CLIP1: variants seen among roughly 807,000 people sequenced by gnomAD.
CLIP1 encodes the protein CAP-Gly domain-containing linker protein 1.
A neutral mutation model predicts 161.6 loss-of-function variants in CLIP1; 66 were observed. The ratio of observed to expected loss-of-function variants is 0.41; its 90% CI spans 0.33 to 0.50. CLIP1 has a LOEUF of 0.50. Among genes scored for constraint, CLIP1 ranks in the 20% least tolerant of loss-of-function variants. The pLI, the probability that CLIP1 is intolerant of heterozygous loss-of-function variation, is 0.27. For missense variants in CLIP1, 1,376 were observed against 1,702.0 expected (o/e 0.81, Z 3.37); for synonymous variants, 598 against 626.2 (o/e 0.96, Z 0.67).
At chr12:122,347,501 A>T in intron 9 of CLIP1, 22 bp from the exon 10 acceptor site, 1 of 1,579,164 alleles carries the variant, frequency 6.3e-7, no homozygotes. Context: ...AAGGAAGAGG[A>T]AGAGAACACA....
chr12:122,288,808 C>CTTTTTTTTTTT, intron 20 of CLIP1, among the ~76,000 whole-genome samples: 1 of 114,452 alleles, frequency 8.7e-6, no homozygotes, highest in Non-Finnish European at 1.7e-5. Context: ...CGAAGCACAT[C>CTTTTTTTTTTT]TTTTTTTTTT....
intron 5 of CLIP1, among the ~76,000 whole-genome samples, chr12:122,360,391 C>A (rs1953713219): frequency 7.4e-6 from 1 of 134,890 alleles, no homozygotes; most frequent in Non-Finnish European, 1.5e-5. Flanking sequence ...CTGGGCAACA[C>A]AGTGGGTCCC....
At chr12:122,405,353 T>G (rs1350523452) in intron 1 of CLIP1, among the ~76,000 whole-genome samples, 9 of 152,224 alleles carry the variant, frequency 5.9e-5, no homozygotes, top group Non-Finnish European at 1.0e-4. Context: ...TTTGTCACTT[T>G]ACTGTGCTAG....
At position 122,377,859 on chromosome 12, in the gene CLIP1, G is replaced by A; in HGVS notation, c.187C>T (p.Arg63Ter). ...EFVDDFRVGERVWVNGNKPGF... is the reference protein window; with the variant it reads ...EFVDDFRVGE The stretch of plus-strand genomic sequence containing the variant: ...GGCTTATTTCCATTCACCCAAACTC[G>A]CTCCCCAACTCGAAAGTCATCCACA... The change falls in exon 3 of 26, where the codon CGA becomes TGA. Residue 63 changes from arginine (R) to a stop codon, truncating the protein, a stop_gained. Coordinates refer to ENST00000620786, the MANE Select transcript of CLIP1 (RefSeq NM_001247997.2). LOFTEE classifies it high-confidence loss of function. 3.1e-6 allele frequency: 5 copies of A among 1,613,742 alleles called. No homozygotes were observed. Among genetic ancestry groups the A allele is most frequent in the Non-Finnish European group, 4.2e-6 (5 of 1,179,968 alleles).
chr12:122,370,183 G>GA (rs1954374429), intron 3 of CLIP1, among the ~76,000 whole-genome samples: 1 of 144,056 alleles, frequency 6.9e-6, no homozygotes, highest in Non-Finnish European at 1.5e-5. Context: ...AAAAGAAGAA[G>GA]AAGAAAGAAA....
Position 122,306,082 on chromosome 12 carries a change from G to A in CLIP1, c.3594+3680C>T, listed in dbSNP as rs1008610585. 4.0e-5 allele frequency among the ~76,000 whole-genome samples: 6 copies of A among 149,354 alleles called. No individual in the cohort carries two copies. The East Asian group carries it at 6.0e-4, about 15-fold the overall frequency. On this transcript the variant is annotated intron_variant, in intron 20 of 25. Transcript: ENST00000620786. ...AAAAAAAAAAAGCAAGCAGAAGAAC[G>A]TGAAAAGACTAGACTGGTTTAGCCT... is the stretch of plus-strand genomic sequence containing the variant.
At chr12:122,345,689 T>C (rs1359243276) in intron 10 of CLIP1, among the ~76,000 whole-genome samples, 1 of 152,192 alleles carries the variant, frequency 6.6e-6, no homozygotes, top group Non-Finnish European at 1.5e-5. Context: ...TTTGGAATTC[T>C]AAAGTTAAGA....
chr12:122,369,192 T>C (rs1166635860), intron 3 of CLIP1, among the ~76,000 whole-genome samples: 1 of 152,018 alleles, frequency 6.6e-6, no homozygotes, highest in Non-Finnish European at 1.5e-5. Flanking sequence ...CTAATATTTT[T>C]GTATTTTTAG....
chr12:122,365,412 G>T, intron 3 of CLIP1: 1 of 799,498 alleles, frequency 1.3e-6, no homozygotes. Context: ...CTTGCCAAGA[G>T]AAATAATGTG....
chr12:122,272,919 A>T lies in CLIP1; in HGVS notation c.4273T>A (p.Phe1425Ile). The change falls in exon 26 of 26, where the codon TTT becomes ATT. Residue 1425 changes from phenylalanine (F) to isoleucine (I), a missense_variant. Phe to Ile is a conservative substitution (Grantham distance 21). Around this residue, in one of 6 missense-constraint regions of CLIP1, gnomAD observed 948 missense variants for 1,134.8 expected, o/e 0.84. Coordinates refer to ENST00000620786, the MANE Select transcript of CLIP1 (RefSeq NM_001247997.2). Reference protein sequence around the residue: ...ERPYCEICEMFGHWATNCNDD... With the variant: ...ERPYCEICEMIGHWATNCNDD... ...TTGCAGTTGGTGGCCCAGTGTCCAA[A>T]CATCTCACAGATTTCACAGTATGGG... is the stretch of plus-strand genomic sequence containing the variant. 1 of 1,614,196 alleles carries T rather than the reference A, an allele frequency of 6.2e-7. No homozygotes were observed. Among genetic ancestry groups the T allele is most frequent in the Non-Finnish European group, 8.5e-7 (1 of 1,180,036 alleles).
At chr12:122,310,120 C>T (rs1209003875) in intron 19 of CLIP1, among the ~76,000 whole-genome samples, 1 of 152,144 alleles carries the variant, frequency 6.6e-6, no homozygotes, top group African/African-American at 2.4e-5. Context: ...ACCCTATGCC[C>T]ACCCTCCCAC....
At chr12:122,378,519 TAA>T (rs1954852619) in intron 2 of CLIP1, among the ~76,000 whole-genome samples, 1 of 152,160 alleles carries the variant, frequency 6.6e-6, no homozygotes, top group South Asian at 2.1e-4. Context: ...TATTTGCAAT[TAA>T]GATTAGAAAA....
chr12:122,312,663 C>G (rs182081778), intron 19 of CLIP1, among the ~76,000 whole-genome samples: 200 of 152,236 alleles, frequency 1.3e-3, no homozygotes, highest in African/African-American at 4.5e-3. Context: ...ACTTGGGAGG[C>G]TGGGGTGGCA....
chr12:122,372,394 G>A (rs1593186862), intron 3 of CLIP1, among the ~76,000 whole-genome samples: 3 of 150,742 alleles, frequency 2.0e-5, no homozygotes, highest in Non-Finnish European at 4.4e-5. Context: ...CAGCCTGGGC[G>A]ACAAGAGTGA....
chr12:122,367,878 C>T (rs1008061026), intron 3 of CLIP1, among the ~76,000 whole-genome samples: 2 of 152,028 alleles, frequency 1.3e-5, no homozygotes, highest in African/African-American at 2.4e-5. Context: ...ATTAGCCAGG[C>T]ATGGTGGCAT....
At chr12:122,306,268 C>T (rs563348265) in intron 20 of CLIP1, among the ~76,000 whole-genome samples, 182 of 152,142 alleles carry the variant, frequency 1.2e-3, no homozygotes, top group Non-Finnish European at 2.1e-3. Flanking sequence ...CCTTAATAAA[C>T]TCCCCTTGAT....
At chr12:122,353,148 G>T (rs867464212) in intron 7 of CLIP1, among the ~76,000 whole-genome samples, 1 of 152,064 alleles carries the variant, frequency 6.6e-6, no homozygotes, top group Non-Finnish European at 1.5e-5. Context: ...GTTTAAGAGC[G>T]GCCTGAGCAA....
At chr12:122,354,251 C>T (rs1312801044) in intron 7 of CLIP1, among the ~76,000 whole-genome samples, 1 of 151,902 alleles carries the variant, frequency 6.6e-6, no homozygotes, top group Non-Finnish European at 1.5e-5. Context: ...AAAAATTAGC[C>T]AGGCGTGGTG....
chr12:122,405,560 GGAT>G (rs1956299049), intron 1 of CLIP1, among the ~76,000 whole-genome samples: 1 of 152,160 alleles, frequency 6.6e-6, no homozygotes, highest in African/African-American at 2.4e-5. Flanking sequence ...AGGCCAAGGC[GGAT>G]AGATCACCTG....
Sources: allele counts gnomAD v4.1 joint callset (sites outside exome capture counted in the v4.1 genomes callset), GRCh38; gene constraint gnomAD v4.1.1; regional missense constraint gnomAD v4.1.1; transcripts MANE v1.5; gene names NCBI Gene and HGNC (gene_info 2026-07-23, HGNC 2026-07-21).